Variants in MB21D2 observed in about 807,000 individuals in gnomAD.
MB21D2 encodes Mab-21 domain containing 2.
A neutral mutation model predicts 33.3 loss-of-function variants in MB21D2; 9 were observed. The ratio of observed to expected loss-of-function variants is 0.27; its 90% CI spans 0.16 to 0.47. The LOEUF (loss-of-function observed/expected upper bound fraction) is 0.47. MB21D2 is among the 20% of genes least tolerant of loss of function. The pLI is 0.99. For missense variants in MB21D2, 540 were observed against 624.6 expected (o/e 0.86, Z 1.44); for synonymous variants, 241 against 236.3 (o/e 1.02, Z -0.18).
At chr3:192,911,866 G>A (rs895702418) in intron 1 of MB21D2, among the ~76,000 whole-genome samples, 5 of 152,272 alleles carry the variant, frequency 3.3e-5, no homozygotes, top group South Asian at 2.1e-4. Context: ...ACAAACTTCC[G>A]AGATGATCCT....
intron 1 of MB21D2, among the ~76,000 whole-genome samples, chr3:192,828,315 C>G (rs1273164062): frequency 6.6e-6 from 1 of 151,486 alleles, no homozygotes; most frequent in Non-Finnish European, 1.5e-5. Context: ...TTTTAAAAAG[C>G]CACATACAGT....
intron 1 of MB21D2, among the ~76,000 whole-genome samples, chr3:192,899,582 T>TA (rs1359725193): frequency 6.6e-6 from 1 of 152,078 alleles, no homozygotes; most frequent in African/African-American, 2.4e-5. Context: ...CAGGCGTACT[T>TA]AAAGGATGAC....
chr3:192,874,193 C>A (rs6785070), intron 1 of MB21D2, among the ~76,000 whole-genome samples: 93,040 of 152,070 alleles, frequency 0.61, 30,364 homozygotes, highest in African/African-American at 0.84. Context: ...GTAGTTACAC[C>A]AGTTTATACT....
At chr3:192,899,589 T>A (rs1295738917) in intron 1 of MB21D2, among the ~76,000 whole-genome samples, 2 of 152,104 alleles carry the variant, frequency 1.3e-5, no homozygotes, top group Non-Finnish European at 2.9e-5. Flanking sequence ...ACTTAAAGGA[T>A]GACTCAGCAT....
intron 1 of MB21D2, among the ~76,000 whole-genome samples, chr3:192,884,584 G>C (rs34580376): frequency 0.067 from 10,207 of 151,984 alleles, 468 homozygotes; most frequent in African/African-American, 0.12. Context: ...AGCCAGGATG[G>C]TCTTGATCTC....
At chr3:192,843,951 C>T (rs1424070551) in intron 1 of MB21D2, among the ~76,000 whole-genome samples, 1 of 152,188 alleles carries the variant, frequency 6.6e-6, no homozygotes, top group Admixed American at 6.5e-5. Context: ...CACTACCAGA[C>T]TTGGGCCAGA....
chr3:192,884,603 G>A (rs553647747), intron 1 of MB21D2, among the ~76,000 whole-genome samples: 238 of 152,068 alleles, frequency 1.6e-3, no homozygotes, highest in Middle Eastern at 3.4e-3. Context: ...TCCTGACCTC[G>A]TGATCTGCCC....
At chr3:192,892,851 T>C (rs1713880956) in intron 1 of MB21D2, among the ~76,000 whole-genome samples, 1 of 152,160 alleles carries the variant, frequency 6.6e-6, no homozygotes, top group Non-Finnish European at 1.5e-5. Context: ...CTAACAGAAT[T>C]ACACAAAGGG....
At chr3:192,879,112 AC>A (rs764559007) in intron 1 of MB21D2, among the ~76,000 whole-genome samples, 7 of 152,316 alleles carry the variant, frequency 4.6e-5, no homozygotes, top group Non-Finnish European at 8.8e-5. Context: ...CCTAAAATTC[AC>A]ACTGATTCTA....
chr3:192,812,635 G>A (rs938269161), intron 1 of MB21D2, among the ~76,000 whole-genome samples: 8 of 152,152 alleles, frequency 5.3e-5, no homozygotes, highest in African/African-American at 1.9e-4. Flanking sequence ...ATTCTCAGAA[G>A]AGATGAAGGA....
intron 1 of MB21D2, among the ~76,000 whole-genome samples, chr3:192,819,957 C>T (rs1484755655): frequency 6.6e-6 from 1 of 152,160 alleles, no homozygotes; most frequent in Non-Finnish European, 1.5e-5. Context: ...AGGGCCTAGT[C>T]CTGGTGCTCC....
intron 1 of MB21D2, among the ~76,000 whole-genome samples, chr3:192,804,728 T>A (rs1257989536): frequency 1.3e-5 from 2 of 152,244 alleles, no homozygotes; most frequent in East Asian, 3.9e-4. Context: ...GTTGACAAAG[T>A]CCTTCTTTCA....
At chr3:192,802,760 T>C (rs1186090097) in intron 1 of MB21D2, among the ~76,000 whole-genome samples, 1 of 152,228 alleles carries the variant, frequency 6.6e-6, no homozygotes, top group Admixed American at 6.5e-5. Flanking sequence ...CAGTGAGATA[T>C]ATTTGATAAT....
At chr3:192,887,765 C>T (rs116752239) in intron 1 of MB21D2, among the ~76,000 whole-genome samples, 3,532 of 152,102 alleles carry the variant, frequency 0.023, 165 homozygotes, top group African/African-American at 0.078. Context: ...ATTTTTTGAA[C>T]GCTAGCAGCC....
chr3:192,850,445 C>A (rs1330264589), intron 1 of MB21D2, among the ~76,000 whole-genome samples: 2 of 152,200 alleles, frequency 1.3e-5, no homozygotes, highest in African/African-American at 4.8e-5. Context: ...AACTCTAGTA[C>A]CCACCCACCA....
chr3:192,892,290 C>T (rs1713868076), intron 1 of MB21D2, among the ~76,000 whole-genome samples: 1 of 152,134 alleles, frequency 6.6e-6, no homozygotes, highest in Admixed American at 6.6e-5. Context: ...ATAATTTTGT[C>T]CCCATTTTAC....
chr3:192,809,749 A>G (rs1234401158), intron 1 of MB21D2, among the ~76,000 whole-genome samples: 1 of 152,238 alleles, frequency 6.6e-6, no homozygotes, highest in Admixed American at 6.5e-5. Flanking sequence ...AGACGATTAT[A>G]GATGACATTA....
Position 192,799,329 on chromosome 3 carries a change from A to T in MB21D2, c.533T>A (p.Phe178Tyr), listed in dbSNP as rs545666339. The T allele has an allele frequency of 1.2e-4, 195 of 1,614,188 alleles. 2 individuals are homozygous for T. In the South Asian group the frequency reaches 1.3e-3, roughly 11 times the overall value. ...VDHINGATNY[F>Y]FSPTKVADWF... Reference sequence around the variant, plus strand: ...GTCAGCCACTTTGGTAGGTGAGAAGAAGTAGTTGGTGGCACCATTGATGTG... The same window carrying T: ...GTCAGCCACTTTGGTAGGTGAGAAGTAGTAGTTGGTGGCACCATTGATGTG... Residue 178 changes from phenylalanine to tyrosine, a missense_variant, in exon 2 of 2, where the codon TTC becomes TAC. Physicochemically the swap from Phe to Tyr is conservative, Grantham distance 22 (BLOSUM62 3). Coordinates refer to ENST00000392452, the MANE Select transcript of MB21D2 (RefSeq NM_178496.4). This position sits in a 1 kb window ranked among gnomAD's most constrained non-coding sequence, Gnocchi z 4.1.
Position 192,799,216 on chromosome 3 carries a change from T to A in MB21D2, c.646A>T (p.Asn216Tyr). Residue 216 changes from asparagine (N) to tyrosine (Y), a missense_variant, in exon 2 of 2, where the codon AAT (asparagine) becomes TAT (tyrosine). Physicochemically the swap from Asn to Tyr is moderately radical, Grantham distance 143. Coordinates refer to ENST00000392452, the MANE Select transcript of MB21D2 (RefSeq NM_178496.4). This position sits in a 1 kb window ranked among gnomAD's most constrained non-coding sequence, Gnocchi z 4.1. ...GMPKVEKVEK[N>Y]GTIISIILGV... ...AGAATGATGGAGATGATGGTCCCAT[T>A]TTTTTCCACCTTTTCTACCTTTGGC... 6.2e-7 allele frequency: 1 copy of A among 1,614,228 alleles called. No individual in the cohort carries two copies.
Sources: gnomAD v4.1 joint callset for allele counts (sites outside exome capture counted in the v4.1 genomes callset) on GRCh38, gnomAD v4.1.1 for gene constraint, Gnocchi (gnomAD v3.1) non-coding constraint, MANE v1.5 for transcripts, NCBI Gene and HGNC (gene_info 2026-07-23, HGNC 2026-07-21) for gene names.